Variants in YPEL2 observed in about 807,000 individuals in gnomAD.
The protein encoded by YPEL2 is yippee like 2, also known as protein yippee-like 2.
Under a neutral mutation model 19.1 loss-of-function variants are expected in YPEL2, and 2 were observed. The observed-to-expected ratio is 0.10, with a 90% CI of 0.04 to 0.33. YPEL2 has a LOEUF of 0.33. Among genes scored for constraint, YPEL2 ranks in the 10% least tolerant of loss-of-function variants. The pLI is 1.00. For synonymous variants in YPEL2, 52 were observed against 50.0 expected (o/e 1.04, Z -0.17); for missense variants, 66 against 140.7 (o/e 0.47, Z 2.68).
chr17:59,396,876 C>A (rs1297543440), intron 4 of YPEL2, among the ~76,000 whole-genome samples: 1 of 151,974 alleles, frequency 6.6e-6, no homozygotes, highest in Non-Finnish European at 1.5e-5. Flanking sequence ...ACTAAAAATA[C>A]AAAAATTAGC....
intron 1 of YPEL2, among the ~76,000 whole-genome samples, chr17:59,352,272 T>C (rs757090780): frequency 2.0e-5 from 3 of 152,174 alleles, no homozygotes; most frequent in Non-Finnish European, 2.9e-5. Flanking sequence ...GCGGAAGCCT[T>C]AGGCAGGTGA....
At chr17:59,365,276 A>G (rs977274111) in intron 2 of YPEL2, among the ~76,000 whole-genome samples, 1 of 152,138 alleles carries the variant, frequency 6.6e-6, no homozygotes, top group Non-Finnish European at 1.5e-5. Context: ...CTTGTTCCTT[A>G]TCCCAGGGGG....
chr17:59,333,940 G>A (rs2147931000), intron 1 of YPEL2, among the ~76,000 whole-genome samples: 1 of 152,312 alleles, frequency 6.6e-6, no homozygotes, highest in Admixed American at 6.5e-5. Flanking sequence ...GCTCTGAAGT[G>A]CAGTCAGGTA....
intron 2 of YPEL2, among the ~76,000 whole-genome samples, chr17:59,365,261 A>T (rs1177257296): frequency 3.3e-5 from 5 of 152,146 alleles, no homozygotes; most frequent in Non-Finnish European, 4.4e-5. Context: ...CTCCTCATGG[A>T]ATCGCTTGTT....
At chr17:59,382,386 C>A (rs1035547219) in intron 2 of YPEL2, among the ~76,000 whole-genome samples, 6 of 35,868 alleles carry the variant, frequency 1.7e-4, no homozygotes, top group Admixed American at 2.8e-4. Context: ...CTCCACCCCG[C>A]CTCTCTCTAG....
intron 4 of YPEL2, among the ~76,000 whole-genome samples, chr17:59,395,158 G>A (rs866519704): frequency 7.9e-5 from 12 of 152,166 alleles, no homozygotes; most frequent in African/African-American, 2.7e-4. Context: ...ACACATTACC[G>A]TGGAACAATG....
intron 4 of YPEL2, among the ~76,000 whole-genome samples, chr17:59,396,168 C>T (rs141234368): frequency 9.6e-4 from 146 of 152,282 alleles, no homozygotes; most frequent in African/African-American, 3.3e-3. Flanking sequence ...GGATCTAACC[C>T]AGGGCAAACT....
At chr17:59,382,307 A>G (rs866605984) in intron 2 of YPEL2, among the ~76,000 whole-genome samples, 1 of 152,216 alleles carries the variant, frequency 6.6e-6, no homozygotes, top group African/African-American at 2.4e-5. Flanking sequence ...ACAGGCCTGG[A>G]AGAAGCCATG....
intron 1 of YPEL2, among the ~76,000 whole-genome samples, chr17:59,337,151 A>G (rs999734431): frequency 4.6e-5 from 7 of 151,292 alleles, no homozygotes; most frequent in Non-Finnish European, 5.9e-5. Flanking sequence ...TACAGATTCA[A>G]TGCCCCCTTT....
chr17:59,352,145 A>G (rs2047790479), intron 1 of YPEL2, among the ~76,000 whole-genome samples: 1 of 152,178 alleles, frequency 6.6e-6, no homozygotes. Flanking sequence ...CTCCCTAAAT[A>G]ATTTTTAATT....
intron 1 of YPEL2, among the ~76,000 whole-genome samples, chr17:59,349,695 A>G (rs1006017399): frequency 9.2e-5 from 14 of 151,660 alleles, no homozygotes; most frequent in Middle Eastern, 3.4e-3. Context: ...AGAATCTCGC[A>G]CTGTCACCAG....
At chr17:59,373,265 T>C (rs1199066999) in intron 2 of YPEL2, among the ~76,000 whole-genome samples, 1 of 152,232 alleles carries the variant, frequency 6.6e-6, no homozygotes, top group Non-Finnish European at 1.5e-5. Flanking sequence ...GTAGCTGGAC[T>C]GTACTGAGGA....
At chr17:59,367,243 T>C (rs181960472) in intron 2 of YPEL2, among the ~76,000 whole-genome samples, 4 of 152,336 alleles carry the variant, frequency 2.6e-5, no homozygotes, top group Non-Finnish European at 5.9e-5. Context: ...AATCTCCTCC[T>C]GGATCCCAGG....
chr17:59,335,658 C>T (rs888845939), intron 1 of YPEL2, among the ~76,000 whole-genome samples: 6 of 152,240 alleles, frequency 3.9e-5, no homozygotes, highest in South Asian at 2.1e-4. Context: ...AAGTGATTCT[C>T]CTGCCTCAGC....
intron 2 of YPEL2, among the ~76,000 whole-genome samples, chr17:59,386,362 C>G (rs982694721): frequency 6.6e-6 from 1 of 151,704 alleles, no homozygotes; most frequent in African/African-American, 2.4e-5. Context: ...AAAGGAAATG[C>G]AGGGAACATG....
rs1002693145 is a variant in YPEL2, at chr17:59,331,730, C to G, written c.-290C>G. 4 of 152,232 alleles carry G rather than the reference C, an allele frequency of 2.6e-5. No individual in the cohort carries two copies. Among genetic ancestry groups the G allele is most frequent in the Non-Finnish European group, 5.9e-5 (4 of 68,110 alleles). The allele number at this position is 152,232 out of a possible 1,614,324, so 9.4% of individuals were successfully genotyped here. ...CGGAGACTGTGGCTTTAAGAGCGTG[C>G]CGGGAGCCCGAGCCCCAGCCGGGCC... On this transcript the variant is annotated 5_prime_UTR_variant, in exon 1 of 5. Transcript: ENST00000312655.
chr17:59,358,968 G>A (rs983549728), intron 2 of YPEL2, among the ~76,000 whole-genome samples: 4 of 142,462 alleles, frequency 2.8e-5, no homozygotes, highest in African/African-American at 1.1e-4. Context: ...CTGTGGCCCA[G>A]GCTGGAATGC....
At chr17:59,383,152 ATTAT>A (rs2047958315) in intron 2 of YPEL2, among the ~76,000 whole-genome samples, 1 of 152,162 alleles carries the variant, frequency 6.6e-6, no homozygotes, top group African/African-American at 2.4e-5. Flanking sequence ...GAAATGGATT[ATTAT>A]TTTACAAATT....
chr17:59,354,037 C>A, intron 2 of YPEL2: 1 of 214,028 alleles, frequency 4.7e-6, no homozygotes, highest in Non-Finnish European at 9.5e-6. Context: ...CTGTGGGGGC[C>A]GTTAGGGCTC....
Sources: gnomAD v4.1 joint callset for allele counts (sites outside exome capture counted in the v4.1 genomes callset) on GRCh38, gnomAD v4.1.1 for gene constraint, MANE v1.5 for transcripts, NCBI Gene and HGNC (gene_info 2026-07-23, HGNC 2026-07-21) for gene names.